Variants in VTCN1 observed in about 807,000 individuals in gnomAD.
The protein encoded by VTCN1 is V-set domain-containing T-cell activation inhibitor 1.
Under a neutral mutation model 26.5 loss-of-function variants are expected in VTCN1, and 26 were observed. The ratio of observed to expected loss-of-function variants is 0.98; its 90% CI spans 0.72 to 1.36. The LOEUF is 1.36. VTCN1 is among the 40% of genes most tolerant of loss of function. The pLI is 0.00. For missense variants in VTCN1, 298 were observed against 337.7 expected, an observed-to-expected ratio of 0.88 and a Z score of 0.92; for synonymous variants, 116 against 130.7, an observed-to-expected ratio of 0.89 and a Z score of 0.77.
At chr1:117,150,437 C>T (rs1457156896) in intron 4 of VTCN1, among the ~76,000 whole-genome samples, 1 of 152,202 alleles carries the variant, frequency 6.6e-6, no homozygotes, top group Non-Finnish European at 1.5e-5. Context: ...AACTTCCTGT[C>T]TTTGGTTCCA....
At chr1:117,156,471 T>C in intron 3 of VTCN1, 103 bp downstream of exon 3, 3 of 1,243,728 alleles carry the variant, frequency 2.4e-6, no homozygotes, top group Non-Finnish European at 3.3e-6. Flanking sequence ...ATTGGGAGCA[T>C]CATTGTCTGA....
In VTCN1 at chr1:117,161,895, A is replaced by C. The variant is rs951679478; in HGVS notation, c.98-4974T>G. ...AATTGAAAGATTACTTCTCAGAAAA[A>C]ATACATGATTAGCACAGTTTATGGA... On this transcript the variant is annotated intron_variant, in intron 2 of 5. Transcript: ENST00000369458. The surrounding 1 kb of genome is among the most constrained non-coding windows in gnomAD (Gnocchi z 4.3). Among the ~76,000 whole-genome samples the C allele has an allele frequency of 2.8e-4, 43 of 152,248 alleles. No homozygotes were observed. Among genetic ancestry groups the C allele is most frequent in the African/African-American group, 1.0e-3 (43 of 41,466 alleles).
intron 1 of VTCN1, among the ~76,000 whole-genome samples, chr1:117,182,181 T>C (rs540692694): frequency 7.9e-5 from 12 of 152,340 alleles, no homozygotes; most frequent in Middle Eastern, 3.4e-3. Flanking sequence ...GATTTCTCTA[T>C]GTACAATGTC....
chr1:117,157,414 T>C (rs1652140434), intron 2 of VTCN1, among the ~76,000 whole-genome samples: 1 of 152,084 alleles, frequency 6.6e-6, no homozygotes, highest in South Asian at 2.1e-4. Context: ...CTCAGAATCA[T>C]GGAGGGAGGC....
intron 1 of VTCN1, among the ~76,000 whole-genome samples, chr1:117,209,837 G>T (rs1649270945): frequency 6.6e-6 from 1 of 152,198 alleles, no homozygotes; most frequent in Non-Finnish European, 1.5e-5. Context: ...TCAAGGAAAA[G>T]AACTTTCTAG....
intron 1 of VTCN1, among the ~76,000 whole-genome samples, chr1:117,194,269 G>A (rs1281056620): frequency 6.6e-6 from 1 of 152,086 alleles, no homozygotes; most frequent in East Asian, 1.9e-4. Context: ...AAATGAAAAG[G>A]TGGTCAACAT....
rs1036448135 is a variant in VTCN1 at position 117,161,393 on chromosome 1, C to T, written c.98-4472G>A. ...TCAGATGGCAGCCCTCCCATGAAATCCTCTTTTAATTCACCAAAGGAAAAA... is the reference window on the plus strand; with the variant it reads ...TCAGATGGCAGCCCTCCCATGAAATTCTCTTTTAATTCACCAAAGGAAAAA... On this transcript the variant is annotated intron_variant, in intron 2 of 5. Transcript: ENST00000369458. The surrounding 1 kb of genome is among the most constrained non-coding windows in gnomAD (Gnocchi z 4.3). Among the ~76,000 whole-genome samples, 1 of 152,154 alleles carries T rather than the reference C, an allele frequency of 6.6e-6. No homozygotes were observed. Among genetic ancestry groups the T allele is most frequent in the Non-Finnish European group, 1.5e-5 (1 of 68,022 alleles).
At chr1:117,173,264 C>G (rs893998370) in intron 1 of VTCN1, 3 of 696,012 alleles carry the variant, frequency 4.3e-6, no homozygotes, top group Admixed American at 4.1e-5. Context: ...GACACAATTG[C>G]AGATGTAGTT....
rs1212903136 is a variant in VTCN1 at position 117,192,773 on chromosome 1, AG to A, written c.32+18050del. Among the ~76,000 whole-genome samples, 8 of 152,288 alleles carry A rather than the reference AG, an allele frequency of 5.3e-5. No homozygotes were observed. The East Asian group carries it at 1.3e-3, about 26-fold the overall frequency. ...CTCAAAAAAAATTCTAGTAGACAAA[AG>A]ATAAAGAGAAATGAATCAAAGAATA... On this transcript the variant is annotated intron_variant, in intron 1 of 5. Coordinates refer to ENST00000369458, the MANE Select transcript of VTCN1 (RefSeq NM_024626.4).
Position 117,145,009 on chromosome 1 carries a change from C to T in VTCN1, c.*262G>A, listed in dbSNP as rs1651441246. ...GTCTCCACGTGCATTTTACTTATCACTCTTAACACACTTGTCTAGTTCACA... is the reference window on the plus strand; with the variant it reads ...GTCTCCACGTGCATTTTACTTATCATTCTTAACACACTTGTCTAGTTCACA... On this transcript the variant is annotated 3_prime_UTR_variant, in exon 6 of 6. Transcript: ENST00000369458. This position sits in a 1 kb window ranked among gnomAD's most constrained non-coding sequence, Gnocchi z 4.6. 6.5e-6 allele frequency: 1 copy of T among 152,684 alleles called. No individual in the cohort carries two copies. Among genetic ancestry groups the T allele is most frequent in the Non-Finnish European group, 1.5e-5 (1 of 68,048 alleles). The allele number at this position is 152,684 out of a possible 1,614,324, so 9.5% of individuals were successfully genotyped here.
chr1:117,196,017 T>C (rs1182882466), intron 1 of VTCN1, among the ~76,000 whole-genome samples: 2 of 152,080 alleles, frequency 1.3e-5, no homozygotes, highest in Admixed American at 1.3e-4. Flanking sequence ...TCAGGCATAT[T>C]GGCATGCACC....
intron 1 of VTCN1, among the ~76,000 whole-genome samples, chr1:117,185,816 C>T (rs1647913221): frequency 1.3e-5 from 2 of 151,420 alleles, no homozygotes; most frequent in Non-Finnish European, 2.9e-5. Context: ...CTACCTGTGA[C>T]CTTGAAGCCC....
chr1:117,210,682 C>T, intron 1 of VTCN1, 142 bp downstream of exon 1: 3 of 868,704 alleles, frequency 3.5e-6, no homozygotes, highest in South Asian at 1.6e-5. Context: ...TCTTGTCTGG[C>T]CAGGCTCCCG....
intron 1 of VTCN1, among the ~76,000 whole-genome samples, chr1:117,173,594 C>A (rs1653045187): frequency 1.3e-5 from 2 of 152,178 alleles, no homozygotes; most frequent in Admixed American, 1.3e-4. Context: ...ACCTGGTTTT[C>A]AGTACTTTGT....
chr1:117,162,837 T>A (rs919168007), intron 2 of VTCN1, among the ~76,000 whole-genome samples: 3 of 152,164 alleles, frequency 2.0e-5, no homozygotes, highest in Non-Finnish European at 4.4e-5. Context: ...AGTGGGGGTA[T>A]AGGTAACACA....
intron 1 of VTCN1, among the ~76,000 whole-genome samples, chr1:117,187,189 C>T (rs1162680104): frequency 6.6e-6 from 1 of 150,796 alleles, no homozygotes; most frequent in Non-Finnish European, 1.5e-5. Flanking sequence ...TGCGCACCTG[C>T]AGTCCCAGCT....
At chr1:117,151,948 C>T (rs1364038790) in intron 4 of VTCN1, among the ~76,000 whole-genome samples, 2 of 152,122 alleles carry the variant, frequency 1.3e-5, no homozygotes, top group Non-Finnish European at 2.9e-5. Flanking sequence ...TTGCATTTCT[C>T]CAATGATTAG....
At chr1:117,168,183 T>C (rs79915742) in intron 2 of VTCN1, among the ~76,000 whole-genome samples, 8,766 of 152,198 alleles carry the variant, frequency 0.058, 357 homozygotes, top group Non-Finnish European at 0.091. Context: ...ACCAAGATTA[T>C]GAACAGGAAA....
chr1:117,181,211 G>T (rs909622085), intron 1 of VTCN1, among the ~76,000 whole-genome samples: 4 of 148,792 alleles, frequency 2.7e-5, no homozygotes, highest in Non-Finnish European at 4.4e-5. Context: ...GAGGCCAGGA[G>T]TTGGAAACTA....
Sources: gnomAD v4.1 joint callset for allele counts (sites outside exome capture counted in the v4.1 genomes callset) on GRCh38, gnomAD v4.1.1 for gene constraint, Gnocchi (gnomAD v3.1) non-coding constraint, MANE v1.5 for transcripts, NCBI Gene and HGNC (gene_info 2026-07-23, HGNC 2026-07-21) for gene names.